The following ANKS1A variants were observed in gnomAD, a reference collection of about 807,000 sequenced individuals.
ANKS1A encodes the protein ankyrin repeat and sterile alpha motif domain containing 1A, also known as ankyrin repeat and SAM domain-containing protein 1A.
A neutral mutation model predicts 120.3 loss-of-function variants in ANKS1A; 55 were observed. The observed-to-expected ratio is 0.46, with a 90% CI of 0.37 to 0.57. The LOEUF is 0.57. ANKS1A is among the 20% of genes least tolerant of loss of function. The pLI is 0.00. For missense variants in ANKS1A, 1,123 were observed against 1,480.3 expected (o/e 0.76, Z 3.96); for synonymous variants, 590 against 604.7 (o/e 0.98, Z 0.36).
chr6:34,991,775 T>C (rs1340771163), intron 9 of ANKS1A, among the ~76,000 whole-genome samples: 4 of 140,836 alleles, frequency 2.8e-5, no homozygotes, highest in African/African-American at 1.0e-4. Flanking sequence ...TACACATATA[T>C]ATACACACAT....
chr6:35,059,073 TG>T (rs1329457535), intron 12 of ANKS1A, among the ~76,000 whole-genome samples: 1 of 152,240 alleles, frequency 6.6e-6, no homozygotes, highest in Non-Finnish European at 1.5e-5. Flanking sequence ...TTTATCTGGT[TG>T]GGTTTTGTCT....
chr6:34,957,598 T>C (rs1483543347), intron 1 of ANKS1A, among the ~76,000 whole-genome samples: 1 of 152,214 alleles, frequency 6.6e-6, no homozygotes, highest in Non-Finnish European at 1.5e-5. Context: ...TTAGACATTA[T>C]GATTTAATGA....
chr6:35,018,441 A>G (rs1774157486), intron 11 of ANKS1A, among the ~76,000 whole-genome samples: 1 of 152,094 alleles, frequency 6.6e-6, no homozygotes, highest in Non-Finnish European at 1.5e-5. Context: ...AAAAGAGAAG[A>G]TCCAGGGTTA....
intron 10 of ANKS1A, among the ~76,000 whole-genome samples, chr6:35,011,071 A>G (rs1384013121): frequency 6.6e-6 from 1 of 152,214 alleles, no homozygotes; most frequent in Non-Finnish European, 1.5e-5. Context: ...TTCTACATGT[A>G]GAAGGGATAC....
At chr6:35,081,244 A>G (rs376519771) in intron 17 of ANKS1A, 86 bp downstream of exon 17, 1 of 1,446,820 alleles carries the variant, frequency 6.9e-7, no homozygotes. Flanking sequence ...CTGCTGCCCC[A>G]TACTTGAGCA....
rs1777900422 is a variant in ANKS1A, at chr6:35,085,210, C to T, written c.3133-556C>T. The stretch of plus-strand genomic sequence containing the variant: ...GGAGGGGATATAATGTGGCCCACCT[C>T]AGGGGCCACTGTGAGATGGATGAGG... On this transcript the variant is annotated intron_variant, in intron 21 of 23. Coordinates refer to ENST00000360359, the MANE Select transcript of ANKS1A (RefSeq NM_015245.3). This position sits in a 1 kb window ranked among gnomAD's most constrained non-coding sequence, Gnocchi z 4.7. 1.3e-5 allele frequency among the ~76,000 whole-genome samples: 2 copies of T among 152,164 alleles called. No individual in the cohort carries two copies. Among genetic ancestry groups the T allele is most frequent in the South Asian group, 4.1e-4 (2 of 4,826 alleles).
chr6:35,092,054 C>G (rs143109217), downstream of ANKS1A, among the ~76,000 whole-genome samples: 286 of 152,342 alleles, frequency 1.9e-3, 2 homozygotes, highest in African/African-American at 6.5e-3. Context: ...CACCTGTGTT[C>G]CAGCTCTGCT....
At chr6:35,016,684 T>G (rs1158576096) in intron 10 of ANKS1A, among the ~76,000 whole-genome samples, 4 of 151,878 alleles carry the variant, frequency 2.6e-5, no homozygotes, top group African/African-American at 9.7e-5. Context: ...CCATTTTGTT[T>G]TCAGTGGATC....
rs1048419684 is a variant in ANKS1A, at chr6:34,893,825, C to T, written c.197+4226C>T. 2.0e-5 allele frequency among the ~76,000 whole-genome samples: 3 copies of T among 152,140 alleles called. No homozygotes were observed. In the East Asian group the frequency reaches 5.8e-4, roughly 29 times the overall value. On this transcript the variant is annotated intron_variant, in intron 1 of 23. Transcript: ENST00000360359. Reference sequence around the variant, plus strand: ...CCTATATACCTATGTAAGCCCCAAGCATCAGTTTACTGTATCTTTGTGCTA... The same window carrying T: ...CCTATATACCTATGTAAGCCCCAAGTATCAGTTTACTGTATCTTTGTGCTA...
chr6:35,096,105 G>T (rs1778463538), downstream of ANKS1A, among the ~76,000 whole-genome samples: 1 of 152,096 alleles, frequency 6.6e-6, no homozygotes, highest in African/African-American at 2.4e-5. Context: ...AGAATCAGAG[G>T]CCCCTGAAAC....
At chr6:34,937,794 G>A (rs933472922) in intron 1 of ANKS1A, among the ~76,000 whole-genome samples, 1 of 152,232 alleles carries the variant, frequency 6.6e-6, no homozygotes, top group African/African-American at 2.4e-5. Context: ...GAGTGGGCAA[G>A]TAATAATCAG....
At position 34,908,767 on chromosome 6, in the gene ANKS1A, A is replaced by G. The variant is rs993164821; in HGVS notation, c.197+19168A>G. On this transcript the variant is annotated intron_variant, in intron 1 of 23. Coordinates refer to ENST00000360359, the MANE Select transcript of ANKS1A (RefSeq NM_015245.3). The stretch of plus-strand genomic sequence containing the variant: ...ACGAATGCATTTGCTGACCCTTTAC[A>G]ATAACAACATGGCCCCAGGACAGAG... Among the ~76,000 whole-genome samples the G allele has an allele frequency of 7.2e-5, 11 of 152,236 alleles. No individual in the cohort carries two copies. In the East Asian group the frequency reaches 7.7e-4, roughly 11 times the overall value.
At chr6:34,973,365 G>A (rs536322016) in intron 3 of ANKS1A, among the ~76,000 whole-genome samples, 2 of 152,354 alleles carry the variant, frequency 1.3e-5, no homozygotes, top group South Asian at 4.1e-4. Flanking sequence ...ACAAAGAGTA[G>A]TCTGATGGGC....
chr6:34,981,345 T>G (rs1771895686), intron 3 of ANKS1A, among the ~76,000 whole-genome samples: 1 of 152,194 alleles, frequency 6.6e-6, no homozygotes, highest in East Asian at 1.9e-4. Context: ...ATAATAGCAG[T>G]GATATTATTG....
Position 34,889,639 on chromosome 6 carries a change from T to G in ANKS1A, c.197+40T>G. The G allele has an allele frequency of 7.9e-7, 1 of 1,267,510 alleles. No individual in the cohort carries two copies. Among genetic ancestry groups the G allele is most frequent in the Non-Finnish European group, 9.9e-7 (1 of 1,008,588 alleles). The allele number at this position is 1,267,510 out of a possible 1,614,324, so 78.5% of individuals were successfully genotyped here. A position where few individuals can be genotyped will look rare whatever the true frequency, so the allele number is the denominator to read the frequency against. On this transcript the variant is annotated intron_variant, in intron 1 of 23. Transcript: ENST00000360359. This position sits in a 1 kb window ranked among gnomAD's most constrained non-coding sequence, Gnocchi z 5.5. ...GGGCCGGGCCGCTGCCTGCAGACCC[T>G]TTCTCCCCCACCCGTCTCTTGGGTC...
Position 35,082,680 on chromosome 6 carries a change from G to A in ANKS1A, c.2710-11G>A. 1 of 1,605,500 alleles carries A rather than the reference G, an allele frequency of 6.2e-7. No homozygotes were observed. Among genetic ancestry groups the A allele is most frequent in the Non-Finnish European group, 8.5e-7 (1 of 1,175,662 alleles). On this transcript the variant is annotated splice_polypyrimidine_tract_variant and intron_variant, in intron 17 of 23. Transcript: ENST00000360359. The surrounding 1 kb of genome is among the most constrained non-coding windows in gnomAD (Gnocchi z 4.1). ...GCAAGGAGCAGGTGTCCAATTGCGT[G>A]TGTTTCGCAGGAGGAGCACCGTGAG...
chr6:35,081,438 C>T (rs1371941533), intron 17 of ANKS1A, among the ~76,000 whole-genome samples: 1 of 152,184 alleles, frequency 6.6e-6, no homozygotes, highest in Non-Finnish European at 1.5e-5. Flanking sequence ...TTCAGATCCC[C>T]TGTCCGCTCT....
intron 10 of ANKS1A, among the ~76,000 whole-genome samples, chr6:35,006,923 T>C (rs1270598256): frequency 6.6e-6 from 1 of 152,124 alleles, no homozygotes; most frequent in East Asian, 1.9e-4. Context: ...GACGGGAGGA[T>C]AGCTTGAGCC....
intron 10 of ANKS1A, among the ~76,000 whole-genome samples, chr6:35,014,530 A>G (rs2127555652): frequency 6.6e-6 from 1 of 152,242 alleles, no homozygotes; most frequent in East Asian, 1.9e-4. Flanking sequence ...GATAGCTAGC[A>G]TGAATGGGTG....
Sources: gnomAD v4.1 joint callset for allele counts (sites outside exome capture counted in the v4.1 genomes callset) on GRCh38, gnomAD v4.1.1 for gene constraint, Gnocchi (gnomAD v3.1) non-coding constraint, MANE v1.5 for transcripts, NCBI Gene and HGNC (gene_info 2026-07-23, HGNC 2026-07-21) for gene names.